KLHL7: variants seen among roughly 807,000 people sequenced by gnomAD.
The protein encoded by KLHL7 is kelch like family member 7.
In KLHL7, 44 loss-of-function variants were observed where a neutral mutation model predicts 67.4. The ratio of observed to expected loss-of-function variants is 0.65; its 90% CI spans 0.51 to 0.84. The LOEUF is 0.84. Among genes scored for constraint, KLHL7 ranks in the 40% least tolerant of loss-of-function variants. The pLI, the probability that KLHL7 is intolerant of heterozygous loss-of-function variation, is 0.00. For synonymous variants in KLHL7, 252 were observed against 243.3 expected, an observed-to-expected ratio of 1.04 and a Z score of -0.33; for missense variants, 362 against 718.1, an observed-to-expected ratio of 0.50 and a Z score of 5.67.
At position 23,108,509 on chromosome 7, in the gene KLHL7, C is replaced by T. The variant is rs557297178; in HGVS notation, c.120+2363C>T. Reference sequence around the variant, plus strand: ...CAAAGTGCACATCCCACCAACAAGACGAGAACATGACCAGTACACCAGAGG... The same window carrying T: ...CAAAGTGCACATCCCACCAACAAGATGAGAACATGACCAGTACACCAGAGG... On this transcript the variant is annotated intron_variant, in intron 1 of 10. Transcript: ENST00000339077. Among the ~76,000 whole-genome samples, 5 of 152,292 alleles carry T rather than the reference C, an allele frequency of 3.3e-5. 1 individual carries two copies. The highest frequency in any genetic ancestry group is 1.2e-4 in the African/African-American group (5 of 41,558).
chr7:23,122,078 C>T (rs1204544062), intron 1 of KLHL7, among the ~76,000 whole-genome samples: 1 of 152,150 alleles, frequency 6.6e-6, no homozygotes, highest in Non-Finnish European at 1.5e-5. Context: ...TTTTCCCCAC[C>T]CCTCCAACCA....
chr7:23,106,499 G>C, intron 1 of KLHL7: 1 of 1,156,438 alleles, frequency 8.6e-7, no homozygotes, highest in Admixed American at 3.9e-5. Flanking sequence ...GGTGCCGTGA[G>C]ATCTTGTGTG....
chr7:23,170,232 T>TAAAAAC (rs1785118435), intron 9 of KLHL7, among the ~76,000 whole-genome samples: 1 of 151,982 alleles, frequency 6.6e-6, no homozygotes, highest in Non-Finnish European at 1.5e-5. Context: ...AAAACAAAAA[T>TAAAAAC]AAAAACAAAA....
intron 1 of KLHL7, among the ~76,000 whole-genome samples, chr7:23,120,729 G>C (rs1057463872): frequency 1.3e-5 from 2 of 152,026 alleles, no homozygotes; most frequent in African/African-American, 2.4e-5. Context: ...ATCACACCTG[G>C]TTAATTTTTT....
intron 1 of KLHL7, among the ~76,000 whole-genome samples, chr7:23,108,904 A>G (rs1173853058): frequency 6.6e-6 from 1 of 152,260 alleles, no homozygotes; most frequent in Non-Finnish European, 1.5e-5. Flanking sequence ...TTGAATGAAT[A>G]TAGCACAATT....
At chr7:23,145,382 A>G (rs573773617) in intron 6 of KLHL7, among the ~76,000 whole-genome samples, 4 of 152,096 alleles carry the variant, frequency 2.6e-5, no homozygotes, top group African/African-American at 9.6e-5. Context: ...TTATCACTCT[A>G]AAGTAGTCTT....
chr7:23,172,750 A>G (rs1785201285), intron 9 of KLHL7, 198 bp from the exon 10 acceptor site: 1 of 521,390 alleles, frequency 1.9e-6, no homozygotes, highest in African/African-American at 1.9e-5. Context: ...AATAAAATCC[A>G]TGTTTTCCCC....
At chr7:23,155,237 A>C (rs537235785) in intron 7 of KLHL7, among the ~76,000 whole-genome samples, 18 of 152,288 alleles carry the variant, frequency 1.2e-4, no homozygotes, top group African/African-American at 4.3e-4. Flanking sequence ...TCCAATAAGC[A>C]CAGTGTCCTC....
chr7:23,150,198 A>G (rs1420269178), intron 6 of KLHL7, among the ~76,000 whole-genome samples: 1 of 152,156 alleles, frequency 6.6e-6, no homozygotes, highest in African/African-American at 2.4e-5. Context: ...TTATTTTTAG[A>G]TTGATAATAT....
In KLHL7 at chr7:23,173,129, A is replaced by T. The variant is rs530785315; in HGVS notation, c.1477+84A>T. ...ATTATTGAAGCATTTTTAAAAATCTAGATAGAAGCATTTACCATGTATATT... is the reference window on the plus strand; with the variant it reads ...ATTATTGAAGCATTTTTAAAAATCTTGATAGAAGCATTTACCATGTATATT... On this transcript the variant is annotated intron_variant, in intron 10 of 10. Coordinates refer to ENST00000339077, the MANE Select transcript of KLHL7 (RefSeq NM_001031710.3). 4 of 898,102 alleles carry T rather than the reference A, an allele frequency of 4.5e-6. No individual in the cohort carries two copies. In the Admixed American group the frequency reaches 5.1e-5, roughly 12 times the overall value. 55.6% of individuals were successfully genotyped at this position (898,102 alleles called of 1,614,324 possible). A position where few individuals can be genotyped will look rare whatever the true frequency, so the allele number is the denominator to read the frequency against.
At chr7:23,145,520 CTGAT>C (rs1232885198) in intron 6 of KLHL7, among the ~76,000 whole-genome samples, 1 of 152,044 alleles carries the variant, frequency 6.6e-6, no homozygotes, top group Non-Finnish European at 1.5e-5. Context: ...TATTACAAAA[CTGAT>C]AGATAAGGCT....
chr7:23,115,901 C>T (rs924339080), intron 1 of KLHL7, among the ~76,000 whole-genome samples: 2 of 152,126 alleles, frequency 1.3e-5, no homozygotes, highest in African/African-American at 2.4e-5. Flanking sequence ...TAATACTCAG[C>T]TACCAGGTAT....
chr7:23,130,654 G>A lies in KLHL7; in HGVS notation c.442+5482G>A, dbSNP rs562506267. Among the ~76,000 whole-genome samples, 3 of 152,240 alleles carry A rather than the reference G, an allele frequency of 2.0e-5. No homozygotes were observed. In the East Asian group the frequency reaches 5.8e-4, roughly 29 times the overall value. On this transcript the variant is annotated intron_variant, in intron 4 of 10. Transcript: ENST00000339077. ...GTTGAATGAATTTTCAATGGAAAAT[G>A]TAATTTAAAGACTTATTTTTTCATC... is the stretch of plus-strand genomic sequence containing the variant.
chr7:23,118,105 A>G, intron 1 of KLHL7: 1 of 993,490 alleles, frequency 1.0e-6, no homozygotes, highest in Non-Finnish European at 1.5e-6. Flanking sequence ...CATGGACCCA[A>G]CTGCCTTTTG....
intron 7 of KLHL7, among the ~76,000 whole-genome samples, chr7:23,162,535 GT>G (rs1784880519): frequency 6.6e-6 from 1 of 152,198 alleles, no homozygotes; most frequent in Admixed American, 6.5e-5. Flanking sequence ...TCCCTTAGAA[GT>G]TAAGTGACCC....
intron 1 of KLHL7, among the ~76,000 whole-genome samples, chr7:23,118,139 A>G (rs1783175792): frequency 6.6e-6 from 1 of 152,258 alleles, no homozygotes; most frequent in African/African-American, 2.4e-5. Context: ...TAAACTTGAT[A>G]GAGAGCAAAA....
intron 4 of KLHL7, among the ~76,000 whole-genome samples, chr7:23,126,648 C>G (rs573861616): frequency 5.3e-5 from 8 of 152,172 alleles, no homozygotes; most frequent in Non-Finnish European, 1.0e-4. Context: ...GTAGGCTTTC[C>G]TCCTTCCGGA....
chr7:23,143,442 G>GT (rs1388539480), intron 5 of KLHL7, among the ~76,000 whole-genome samples: 1 of 152,080 alleles, frequency 6.6e-6, no homozygotes, highest in Non-Finnish European at 1.5e-5. Context: ...GGTGACCTTC[G>GT]TATCTCCTGG....
intron 1 of KLHL7, among the ~76,000 whole-genome samples, chr7:23,108,274 T>C (rs1179913376): frequency 2.0e-5 from 3 of 152,228 alleles, no homozygotes; most frequent in African/African-American, 7.2e-5. Context: ...TAACATGATT[T>C]GGGTCATTCC....
Sources: gnomAD v4.1 joint callset for allele counts (sites outside exome capture counted in the v4.1 genomes callset) on GRCh38, gnomAD v4.1.1 for gene constraint, MANE v1.5 for transcripts, NCBI Gene and HGNC (gene_info 2026-07-23, HGNC 2026-07-21) for gene names.